Variants in NUFIP2 observed in about 807,000 individuals in gnomAD.
The protein encoded by NUFIP2 is FMR1-interacting protein NUFIP2.
NUFIP2 carries 6 observed loss-of-function variants against 56.9 expected under a neutral mutation model. The ratio of observed to expected loss-of-function variants is 0.11; its 90% CI spans 0.06 to 0.21. The LOEUF (loss-of-function observed/expected upper bound fraction) is 0.21. Ranked by LOEUF, NUFIP2 falls within the 10% of genes least tolerant of loss-of-function variation. The probability of loss-of-function intolerance (pLI) is 1.00; values close to 1 mark genes in which losing one functional copy is unlikely to be tolerated. For missense variants in NUFIP2, 828 were observed against 826.8 expected, an observed-to-expected ratio of 1.00 and a Z score of -0.02; for synonymous variants, 321 against 298.2, an observed-to-expected ratio of 1.08 and a Z score of -0.79.
chr17:29,290,074 C>T (rs1274591938), intron 1 of NUFIP2, among the ~76,000 whole-genome samples: 1 of 151,948 alleles, frequency 6.6e-6, no homozygotes, highest in Admixed American at 6.6e-5. Context: ...ACCACGATGC[C>T]CAGTTCCGCC....
At chr17:29,268,041 G>C (rs1273760988) in intron 2 of NUFIP2, among the ~76,000 whole-genome samples, 2 of 152,104 alleles carry the variant, frequency 1.3e-5, no homozygotes, top group African/African-American at 2.4e-5. Flanking sequence ...TGGGATTACA[G>C]GTGCCCGCCA....
chr17:29,279,448 G>T (rs1286910636), intron 2 of NUFIP2, among the ~76,000 whole-genome samples: 2 of 152,132 alleles, frequency 1.3e-5, no homozygotes, highest in African/African-American at 4.8e-5. Flanking sequence ...TGATCTTCTA[G>T]TCAACAGAAA....
rs947269979 is a variant in NUFIP2, at chr17:29,256,848, G to C, written c.*7691C>G. The stretch of plus-strand genomic sequence containing the variant: ...TTGGGCAATTTTTTAAAAGATACAC[G>C]TTATCTTTAAAACAACCAGTGCTTT... On this transcript the variant is annotated 3_prime_UTR_variant, in exon 4 of 4. Coordinates refer to ENST00000225388, the MANE Select transcript of NUFIP2 (RefSeq NM_020772.3). 6.6e-6 allele frequency: 1 copy of C among 152,070 alleles called. No individual in the cohort carries two copies. The highest frequency in any genetic ancestry group is 1.5e-5 in the Non-Finnish European group (1 of 67,998). The allele number at this position is 152,070 out of a possible 1,614,324, so 9.4% of individuals were successfully genotyped here. A position where few individuals can be genotyped will look rare whatever the true frequency, so the allele number is the denominator to read the frequency against.
At position 29,272,509 on chromosome 17, in the gene NUFIP2, G is replaced by C. The variant is rs369411475; in HGVS notation, c.2003-4979C>G. On this transcript the variant is annotated intron_variant, in intron 2 of 3. Coordinates refer to ENST00000225388, the MANE Select transcript of NUFIP2 (RefSeq NM_020772.3). Reference sequence around the variant, plus strand: ...CCCGCCCTGGCCTCCCGAAGTGCTGGGATTACAGGCGTGAGCCGCTGCACC... The same window carrying C: ...CCCGCCCTGGCCTCCCGAAGTGCTGCGATTACAGGCGTGAGCCGCTGCACC... Among the ~76,000 whole-genome samples, 39 of 152,232 alleles carry C rather than the reference G, an allele frequency of 2.6e-4. 1 individual carries two copies. In the South Asian group the frequency reaches 4.4e-3, roughly 17 times the overall value.
chr17:29,267,929 C>G (rs551839848), intron 2 of NUFIP2, among the ~76,000 whole-genome samples: 17 of 84,740 alleles, frequency 2.0e-4, no homozygotes, highest in African/African-American at 9.5e-4. Context: ...GACTGAGTTT[C>G]GCTCTGTTAC....
At chr17:29,274,384 G>C (rs1165824574) in intron 2 of NUFIP2, among the ~76,000 whole-genome samples, 1 of 152,154 alleles carries the variant, frequency 6.6e-6, no homozygotes, top group Non-Finnish European at 1.5e-5. Context: ...GAAGCAAGAG[G>C]ATTGCTCGAG....
At position 29,287,086 on chromosome 17, in the gene NUFIP2, C is replaced by T; in HGVS notation, c.908G>A (p.Ser303Asn). Residue 303 changes from serine to asparagine, a missense_variant, in exon 2 of 4, where the codon AGC becomes AAC. Ser to Asn is a conservative substitution (Grantham distance 46). Around this residue, in one of 3 missense-constraint regions of NUFIP2, gnomAD observed 415 missense variants for 408.7 expected, o/e 1.02. Transcript: ENST00000225388. ...GCTCACACCAGGTTTACTATCTGAGCTTTTCCGAAGCATATCACCCACAGC... is the reference window on the plus strand; with the variant it reads ...GCTCACACCAGGTTTACTATCTGAGTTTTTCCGAAGCATATCACCCACAGC... ...KPAVGDMLRK[S>N]SDSKPGVSSK... The T allele has an allele frequency of 6.2e-7, 1 of 1,614,170 alleles. No homozygotes were observed.
rs921726373 is a variant in NUFIP2, at chr17:29,258,745, CTT to C, written c.*5792_*5793del. 7.2e-5 allele frequency: 11 copies of C among 152,124 alleles called. No homozygotes were observed. Among genetic ancestry groups the C allele is most frequent in the Non-Finnish European group, 1.2e-4 (8 of 68,022 alleles). 9.4% of individuals were successfully genotyped at this position (152,124 alleles called of 1,614,324 possible). ...AAAAGAATTTTATAATTCATTCACT[CTT>C]GTTAGTGGCTGTGCTACAGGAAAGG... On this transcript the variant is annotated 3_prime_UTR_variant, in exon 4 of 4. Coordinates refer to ENST00000225388, the MANE Select transcript of NUFIP2 (RefSeq NM_020772.3).
At chr17:29,270,755 G>A (rs1170458400) in intron 2 of NUFIP2, among the ~76,000 whole-genome samples, 1 of 152,064 alleles carries the variant, frequency 6.6e-6, no homozygotes, top group Admixed American at 6.6e-5. Context: ...CAAAGCAGGA[G>A]GATCACTTGA....
At chr17:29,269,967 G>A (rs868351991) in intron 2 of NUFIP2, among the ~76,000 whole-genome samples, 43 of 151,922 alleles carry the variant, frequency 2.8e-4, no homozygotes, top group African/African-American at 8.7e-4. Flanking sequence ...TGATCCACCC[G>A]GCTCGGCCTC....
rs1555547476 is a variant in NUFIP2, at chr17:29,262,859, C to CT, written c.*1679dup. 2.6e-5 allele frequency: 4 copies of CT among 152,124 alleles called. No individual in the cohort carries two copies. The highest frequency in any genetic ancestry group is 5.9e-5 in the Non-Finnish European group (4 of 67,986). The allele number at this position is 152,124 out of a possible 1,614,324, so 9.4% of individuals were successfully genotyped here. On this transcript the variant is annotated 3_prime_UTR_variant, in exon 4 of 4. Transcript: ENST00000225388. ...AGACTAAAAAGATAGTTACTCTACT[C>CT]TATGTTGAGTCCAACAGCTTCTTTC...
In NUFIP2 at chr17:29,290,572, C is replaced by T. The variant is rs549471469; in HGVS notation, c.278-2856G>A. 8.3e-4 allele frequency among the ~76,000 whole-genome samples: 125 copies of T among 151,246 alleles called. 1 individual carries two copies. The Middle Eastern group carries it at 0.014, about 16-fold the overall frequency. On this transcript the variant is annotated intron_variant, in intron 1 of 3. Coordinates refer to ENST00000225388, the MANE Select transcript of NUFIP2 (RefSeq NM_020772.3). ...GCTGAGACAGGAGATTCGCTTGAAT[C>T]CAGGAGGCAGAGGTTGCAGTGAGCC... is the stretch of plus-strand genomic sequence containing the variant.
chr17:29,277,197 G>T (rs1240194366), intron 2 of NUFIP2, among the ~76,000 whole-genome samples: 1 of 151,968 alleles, frequency 6.6e-6, no homozygotes, highest in East Asian at 1.9e-4. Context: ...GCTCATTTTT[G>T]TATTTTTAGT....
chr17:29,275,252 G>A (rs1328942060), intron 2 of NUFIP2, among the ~76,000 whole-genome samples: 3 of 152,018 alleles, frequency 2.0e-5, no homozygotes, highest in Non-Finnish European at 4.4e-5. Flanking sequence ...TCGAACTCCT[G>A]ACCTCAGGTG....
At chr17:29,285,092 G>A in intron 2 of NUFIP2, among the ~76,000 whole-genome samples, 1 of 152,136 alleles carries the variant, frequency 6.6e-6, no homozygotes, top group Non-Finnish European at 1.5e-5. Flanking sequence ...CACGAGGTCA[G>A]AAGTTTGAGA....
At chr17:29,275,836 T>G (rs2069104456) in intron 2 of NUFIP2, among the ~76,000 whole-genome samples, 1 of 152,020 alleles carries the variant, frequency 6.6e-6, no homozygotes, top group Admixed American at 6.6e-5. Flanking sequence ...GAGGCCAGCC[T>G]GACCAACATG....
chr17:29,271,545 AAAAAG>A (rs1385224294), intron 2 of NUFIP2, among the ~76,000 whole-genome samples: 3 of 152,202 alleles, frequency 2.0e-5, no homozygotes, highest in Admixed American at 6.5e-5. Flanking sequence ...TCAAAAAAAA[AAAAAG>A]AAAAGTAAAG....
chr17:29,279,315 T>C (rs1310652617), intron 2 of NUFIP2, among the ~76,000 whole-genome samples: 1 of 152,234 alleles, frequency 6.6e-6, no homozygotes, highest in African/African-American at 2.4e-5. Context: ...TCTGTTCCCT[T>C]ATGCCCTTTC....
chr17:29,293,864 G>T lies in NUFIP2; in HGVS notation c.196C>A (p.Pro66Thr), dbSNP rs752716929. ...QYLQHGAEGSPKAQPKPLKHE... is the reference protein window; with the variant it reads ...QYLQHGAEGSTKAQPKPLKHE... ...TTCAGCGGCTTTGGCTGGGCCTTGG[G>T]GCTGCCCTCGGCTCCATGCTGCAGG... The change falls in exon 1 of 4, where the codon CCC becomes ACC. Residue 66 changes from proline (P) to threonine (T), a missense_variant. By Grantham distance (38) the Pro-to-Thr change is conservative (BLOSUM62 -1). This residue lies in a region of NUFIP2 where 415 missense variants were observed against 408.7 expected (regional missense o/e 1.02). Transcript: ENST00000225388. 2 of 1,613,434 alleles carry T rather than the reference G, an allele frequency of 1.2e-6. No homozygotes were observed. Among genetic ancestry groups the T allele is most frequent in the South Asian group, 1.1e-5 (1 of 91,060 alleles).
Sources: gnomAD v4.1 joint callset for allele counts (sites outside exome capture counted in the v4.1 genomes callset) on GRCh38, gnomAD v4.1.1 for gene constraint, gnomAD v4.1.1 regional missense constraint, MANE v1.5 for transcripts, NCBI Gene and HGNC (gene_info 2026-07-23, HGNC 2026-07-21) for gene names.